Variants in SLC35F1 observed in about 807,000 individuals in gnomAD.
SLC35F1 encodes solute carrier family 35 member F1, also known as chromosome 6 open reading frame 169.
A neutral mutation model predicts 48.7 loss-of-function variants in SLC35F1; 14 were observed. The ratio of observed to expected loss-of-function variants is 0.29; its 90% confidence interval spans 0.19 to 0.45. The LOEUF is 0.45. Among genes scored for constraint, SLC35F1 ranks in the 20% least tolerant of loss-of-function variants. SLC35F1 has a pLI of 1.00. For synonymous variants in SLC35F1, 190 were observed against 202.2 expected, an observed-to-expected ratio of 0.94 and a Z score of 0.51; for missense variants, 404 against 500.0, an observed-to-expected ratio of 0.81 and a Z score of 1.83.
chr6:118,113,014 C>A (rs529477059), intron 1 of SLC35F1, among the ~76,000 whole-genome samples: 1 of 152,008 alleles, frequency 6.6e-6, no homozygotes, highest in African/African-American at 2.4e-5. Flanking sequence ...AAAGGGATGC[C>A]GTAGAATGTA....
At chr6:118,135,350 A>C (rs1773778282) in intron 1 of SLC35F1, among the ~76,000 whole-genome samples, 1 of 152,218 alleles carries the variant, frequency 6.6e-6, no homozygotes, top group South Asian at 2.1e-4. Context: ...TCTCTAAAAT[A>C]CCATTCAAGA....
chr6:117,997,738 AC>A (rs1284592630), intron 1 of SLC35F1, among the ~76,000 whole-genome samples: 1 of 152,224 alleles, frequency 6.6e-6, no homozygotes, highest in African/African-American at 2.4e-5. Flanking sequence ...AGATTTTGTC[AC>A]CACCAGGCCT....
rs1776437407 is a variant in SLC35F1, at chr6:117,957,083, G to A, written c.173+49184G>A. On this transcript the variant is annotated intron_variant, in intron 1 of 7. Transcript: ENST00000360388. ...GTGGGCATCTCTCCTCCTGACTCGG[G>A]TATCCTGAGTGATTTGTGACTCTGC... Among the ~76,000 whole-genome samples, 3 of 152,038 alleles carry A rather than the reference G, an allele frequency of 2.0e-5. No individual in the cohort carries two copies. The South Asian group carries it at 6.2e-4, about 31-fold the overall frequency.
intron 1 of SLC35F1, among the ~76,000 whole-genome samples, chr6:117,986,649 G>A (rs1776851908): frequency 6.6e-6 from 1 of 152,112 alleles, no homozygotes; most frequent in Admixed American, 6.5e-5. Flanking sequence ...CCAATGCTGT[G>A]TCACATGCCT....
At chr6:118,177,082 A>G (rs767353668) in intron 2 of SLC35F1, among the ~76,000 whole-genome samples, 7 of 152,076 alleles carry the variant, frequency 4.6e-5, no homozygotes, top group African/African-American at 7.2e-5. Context: ...ACTTCTTTCT[A>G]ATAATCTTTT....
intron 1 of SLC35F1, among the ~76,000 whole-genome samples, chr6:117,943,947 G>A (rs1247976168): frequency 6.6e-6 from 1 of 152,204 alleles, no homozygotes; most frequent in South Asian, 2.1e-4. Context: ...AGGAACTCTG[G>A]CAACAACACT....
Position 117,967,178 on chromosome 6 carries a change from A to G in SLC35F1, c.173+59279A>G, listed in dbSNP as rs571214711. Among the ~76,000 whole-genome samples the G allele has an allele frequency of 3.9e-5, 6 of 152,332 alleles. No homozygotes were observed. In the South Asian group the frequency reaches 1.0e-3, roughly 26 times the overall value. On this transcript the variant is annotated intron_variant, in intron 1 of 7. Coordinates refer to ENST00000360388, the MANE Select transcript of SLC35F1 (RefSeq NM_001029858.4). ...AAGTATGAAACACACAAAATAGAAC[A>G]TTCTTAGAGCACACAGAAAAAGGAG...
intron 7 of SLC35F1, among the ~76,000 whole-genome samples, chr6:118,294,830 A>G (rs543334872): frequency 8.5e-4 from 129 of 152,268 alleles, no homozygotes; most frequent in African/African-American, 3.1e-3. Flanking sequence ...TAAAAAAAAA[A>G]AGAGAGATTT....
intron 3 of SLC35F1, among the ~76,000 whole-genome samples, chr6:118,263,792 A>T (rs1328945904): frequency 2.0e-5 from 3 of 152,278 alleles, no homozygotes; most frequent in Non-Finnish European, 4.4e-5. Context: ...AACTGTTGAA[A>T]AATTATTTTG....
intron 1 of SLC35F1, among the ~76,000 whole-genome samples, chr6:118,139,899 G>A (rs1773857862): frequency 6.6e-6 from 1 of 152,156 alleles, no homozygotes; most frequent in Non-Finnish European, 1.5e-5. Flanking sequence ...TGGGGAGGAG[G>A]TAGGGAGCTA....
intron 2 of SLC35F1, among the ~76,000 whole-genome samples, chr6:118,205,287 CA>C (rs1242073510): frequency 6.6e-6 from 1 of 152,012 alleles, no homozygotes; most frequent in Non-Finnish European, 1.5e-5. Flanking sequence ...CCACCACTCA[CA>C]ATAAAAAAAC....
At chr6:118,201,036 C>T (rs575766614) in intron 2 of SLC35F1, among the ~76,000 whole-genome samples, 1 of 152,300 alleles carries the variant, frequency 6.6e-6, no homozygotes, top group East Asian at 1.9e-4. Context: ...CTCAGCCCCC[C>T]AAGTAGCTGG....
chr6:118,123,347 G>T (rs931224719), intron 1 of SLC35F1, among the ~76,000 whole-genome samples: 2 of 151,974 alleles, frequency 1.3e-5, no homozygotes, highest in Non-Finnish European at 2.9e-5. Context: ...CTTAACTATT[G>T]TTGAGTAGAA....
At chr6:118,025,342 G>A (rs1777448266) in intron 1 of SLC35F1, among the ~76,000 whole-genome samples, 1 of 152,166 alleles carries the variant, frequency 6.6e-6, no homozygotes, top group South Asian at 2.1e-4. Flanking sequence ...GAGTTTATGT[G>A]TTTTGGGGAG....
chr6:118,046,017 A>C lies in SLC35F1; in HGVS notation c.174-108428A>C, dbSNP rs575580595. ...AACCAGATGGATAGAAACCTGTTATATTGGAAAGTACACCAATTACTTACA... is the reference window on the plus strand; with the variant it reads ...AACCAGATGGATAGAAACCTGTTATCTTGGAAAGTACACCAATTACTTACA... On this transcript the variant is annotated intron_variant, in intron 1 of 7. Transcript: ENST00000360388. Among the ~76,000 whole-genome samples, 69 of 152,280 alleles carry C rather than the reference A, an allele frequency of 4.5e-4. No homozygotes were observed. The South Asian group carries it at 5.2e-3, about 11-fold the overall frequency.
At chr6:118,085,179 G>A (rs76657576) in intron 1 of SLC35F1, among the ~76,000 whole-genome samples, 3,083 of 152,126 alleles carry the variant, frequency 0.02, 114 homozygotes, top group African/African-American at 0.069. Flanking sequence ...TTGGGTCCAC[G>A]TCAAAAGGGT....
chr6:117,953,459 A>G (rs180913330), intron 1 of SLC35F1, among the ~76,000 whole-genome samples: 109 of 152,278 alleles, frequency 7.2e-4, no homozygotes, highest in African/African-American at 2.3e-3. Flanking sequence ...TAACTCTTCC[A>G]TAGTTCTTTC....
intron 2 of SLC35F1, among the ~76,000 whole-genome samples, chr6:118,234,066 A>C (rs1775331518): frequency 6.6e-6 from 1 of 152,232 alleles, no homozygotes; most frequent in Non-Finnish European, 1.5e-5. Flanking sequence ...AGCTAAGAGC[A>C]GAAATAAGTA....
intron 6 of SLC35F1, among the ~76,000 whole-genome samples, chr6:118,282,841 G>A (rs1009462125): frequency 2.0e-5 from 3 of 151,898 alleles, no homozygotes; most frequent in South Asian, 2.1e-4. Flanking sequence ...CTGCCGTTTC[G>A]AGCAAAACCA....
Sources: gnomAD v4.1 joint callset for allele counts (sites outside exome capture counted in the v4.1 genomes callset) on GRCh38, gnomAD v4.1.1 for gene constraint, MANE v1.5 for transcripts, NCBI Gene and HGNC (gene_info 2026-07-23, HGNC 2026-07-21) for gene names.